SPOPL: variants seen among roughly 807,000 people sequenced by gnomAD.
SPOPL encodes the protein speckle type BTB/POZ protein like.
SPOPL carries 23 observed loss-of-function variants against 53.8 expected under a neutral mutation model. That is an observed-to-expected ratio of 0.43 (90% confidence interval 0.31 to 0.61). The LOEUF (loss-of-function observed/expected upper bound fraction) is 0.61. Among genes scored for constraint, SPOPL ranks in the 20% least tolerant of loss-of-function variants. The pLI, the probability that SPOPL is intolerant of heterozygous loss-of-function variation, is 0.12. For missense variants in SPOPL, 442 were observed against 466.9 expected (o/e 0.95, Z 0.49); for synonymous variants, 164 against 149.7 (o/e 1.10, Z -0.70).
chr2:138,507,271 T>C (rs1338716696), intron 1 of SPOPL, among the ~76,000 whole-genome samples: 1 of 152,196 alleles, frequency 6.6e-6, no homozygotes. Context: ...TTTAGTATCA[T>C]CTGGCTGTTC....
At chr2:138,562,005 A>G (rs1685560640) in intron 8 of SPOPL, among the ~76,000 whole-genome samples, 1 of 152,184 alleles carries the variant, frequency 6.6e-6, no homozygotes, top group African/African-American at 2.4e-5. Context: ...AAAAGAAAAA[A>G]AGAAAATTAC....
intron 7 of SPOPL, among the ~76,000 whole-genome samples, 156 bp downstream of exon 7, chr2:138,559,493 A>T (rs111872478): frequency 6.6e-6 from 1 of 152,332 alleles, no homozygotes; most frequent in African/African-American, 2.4e-5. Context: ...TAATAGAACA[A>T]TAGATGTAGC....
At chr2:138,561,962 A>G (rs563664485) in intron 8 of SPOPL, among the ~76,000 whole-genome samples, 45 of 152,220 alleles carry the variant, frequency 3.0e-4, no homozygotes, top group Admixed American at 9.2e-4. Flanking sequence ...ACAAACCTGC[A>G]CATGTATCTC....
At chr2:138,549,286 CT>C (rs1344676446) in intron 1 of SPOPL, among the ~76,000 whole-genome samples, 1 of 151,946 alleles carries the variant, frequency 6.6e-6, no homozygotes, top group Non-Finnish European at 1.5e-5. Flanking sequence ...ATATAATATC[CT>C]TTATCTCTCA....
rs1355907949 is a variant in SPOPL at position 138,559,702 on chromosome 2, T to C, written c.714+365T>C. On this transcript the variant is annotated intron_variant, in intron 7 of 10. Coordinates refer to ENST00000280098, the MANE Select transcript of SPOPL (RefSeq NM_001001664.3). ...GGATTGATTTTTGGAATCTGTTTTC[T>C]AGCAACAAAAATAACATAGATGACA... is the stretch of plus-strand genomic sequence containing the variant. Among the ~76,000 whole-genome samples the C allele has an allele frequency of 4.6e-5, 7 of 152,216 alleles. No homozygotes were observed. The East Asian group carries it at 1.3e-3, about 29-fold the overall frequency.
At chr2:138,517,768 A>C (rs1326993375) in intron 1 of SPOPL, among the ~76,000 whole-genome samples, 1 of 150,746 alleles carries the variant, frequency 6.6e-6, no homozygotes, top group Non-Finnish European at 1.5e-5. Context: ...GACCTAGGCC[A>C]GGGCACGGTG....
rs1358795784 is a variant in SPOPL, at chr2:138,573,074, G to T, written c.*3994G>T. 1.3e-5 allele frequency: 2 copies of T among 152,050 alleles called. No individual in the cohort carries two copies. Among genetic ancestry groups the T allele is most frequent in the Non-Finnish European group, 2.9e-5 (2 of 67,990 alleles). The allele number at this position is 152,050 out of a possible 1,614,324, so 9.4% of individuals were successfully genotyped here. On this transcript the variant is annotated 3_prime_UTR_variant, in exon 11 of 11. Coordinates refer to ENST00000280098, the MANE Select transcript of SPOPL (RefSeq NM_001001664.3). Reference sequence around the variant, plus strand: ...AGTTCTTGGGGAAATTGATTTTCAAGATTCAAGTGTATAAAAACTTATATT... The same window carrying T: ...AGTTCTTGGGGAAATTGATTTTCAATATTCAAGTGTATAAAAACTTATATT...
chr2:138,536,743 C>A (rs1684944467), intron 1 of SPOPL, among the ~76,000 whole-genome samples: 1 of 152,146 alleles, frequency 6.6e-6, no homozygotes, highest in Non-Finnish European at 1.5e-5. Context: ...ACAGCCTCTA[C>A]TGTTTTTCAG....
At position 138,543,088 on chromosome 2, in the gene SPOPL, T is replaced by A. The variant is rs181975813; in HGVS notation, c.-60-7069T>A. ...CCCCACTTTCTTCTGGCTTGTAGAG[T>A]TTCTGCCGAGAGATCAGCTGTTAGT... is the stretch of plus-strand genomic sequence containing the variant. On this transcript the variant is annotated intron_variant, in intron 1 of 10. Transcript: ENST00000280098. 1.3e-3 allele frequency among the ~76,000 whole-genome samples: 196 copies of A among 152,338 alleles called. 1 individual carries two copies. The highest frequency in any genetic ancestry group is 4.5e-3 in the African/African-American group (188 of 41,576).
intron 1 of SPOPL, among the ~76,000 whole-genome samples, chr2:138,541,075 G>C (rs1311002840): frequency 6.6e-6 from 1 of 152,116 alleles, no homozygotes; most frequent in Non-Finnish European, 1.5e-5. Flanking sequence ...AAGCAGCTTT[G>C]CAACCCAGGG....
rs547326704 is a variant in SPOPL at position 138,507,398 on chromosome 2, C to A, written c.-61+5279C>A. 2.0e-5 allele frequency among the ~76,000 whole-genome samples: 3 copies of A among 152,286 alleles called. No homozygotes were observed. The South Asian group carries it at 6.2e-4, about 32-fold the overall frequency. On this transcript the variant is annotated intron_variant, in intron 1 of 10. Coordinates refer to ENST00000280098, the MANE Select transcript of SPOPL (RefSeq NM_001001664.3). ...TAGGTATGGGATTAGAATTCAGAGACTAGGGACCATGAACGATTAAACAAA... is the reference window on the plus strand; with the variant it reads ...TAGGTATGGGATTAGAATTCAGAGAATAGGGACCATGAACGATTAAACAAA...
At chr2:138,546,107 G>A (rs1685189438) in intron 1 of SPOPL, among the ~76,000 whole-genome samples, 1 of 152,166 alleles carries the variant, frequency 6.6e-6, no homozygotes, top group African/African-American at 2.4e-5. Flanking sequence ...TATAAAATTA[G>A]ATAGTTGTGT....
At chr2:138,555,327 A>G (rs1280881406) in intron 5 of SPOPL, among the ~76,000 whole-genome samples, 1 of 152,182 alleles carries the variant, frequency 6.6e-6, no homozygotes, top group Non-Finnish European at 1.5e-5. Flanking sequence ...TTTGTGAAAT[A>G]CATTCAAATC....
At chr2:138,526,620 T>A (rs1326893827) in intron 1 of SPOPL, among the ~76,000 whole-genome samples, 2 of 151,992 alleles carry the variant, frequency 1.3e-5, no homozygotes, top group African/African-American at 2.4e-5. Context: ...AAATTTAGAG[T>A]TTAATTGGGT....
At chr2:138,516,768 A>G (rs989668331) in intron 1 of SPOPL, among the ~76,000 whole-genome samples, 1 of 152,244 alleles carries the variant, frequency 6.6e-6, no homozygotes, top group South Asian at 2.1e-4. Flanking sequence ...TGGTCTGGAA[A>G]CAACATCAGG....
At position 138,572,630 on chromosome 2, in the gene SPOPL, G is replaced by A. The variant is rs544539991; in HGVS notation, c.*3550G>A. On this transcript the variant is annotated 3_prime_UTR_variant, in exon 11 of 11. Transcript: ENST00000280098. The stretch of plus-strand genomic sequence containing the variant: ...TATTCAATTTATTCTTACAAAAGAA[G>A]GTGGGTGGGTGAGTGGGTTCGTTTT... 6.5e-6 allele frequency: 1 copy of A among 152,684 alleles called. No homozygotes were observed. Among genetic ancestry groups the A allele is most frequent in the East Asian group, 1.9e-4 (1 of 5,184 alleles). The allele number at this position is 152,684 out of a possible 1,614,324, so 9.5% of individuals were successfully genotyped here. A position where few individuals can be genotyped will look rare whatever the true frequency, so the allele number is the denominator to read the frequency against.
At chr2:138,527,805 A>G (rs1250247113) in intron 1 of SPOPL, among the ~76,000 whole-genome samples, 1 of 152,174 alleles carries the variant, frequency 6.6e-6, no homozygotes, top group Non-Finnish European at 1.5e-5. Flanking sequence ...TTTTCAGGGC[A>G]GTTGTGTAGA....
At chr2:138,526,046 A>C (rs1247051690) in intron 1 of SPOPL, among the ~76,000 whole-genome samples, 1 of 151,364 alleles carries the variant, frequency 6.6e-6, no homozygotes, top group Non-Finnish European at 1.5e-5. Flanking sequence ...TCCTTTCCTT[A>C]CTCCTTCAAT....
chr2:138,550,660 C>A, intron 3 of SPOPL, 56 bp downstream of exon 3: 2 of 1,554,902 alleles, frequency 1.3e-6, no homozygotes, highest in Non-Finnish European at 1.7e-6. Context: ...TGATCATCAG[C>A]TGCTCATGAT....
Sources: gnomAD v4.1 joint callset for allele counts (sites outside exome capture counted in the v4.1 genomes callset) on GRCh38, gnomAD v4.1.1 for gene constraint, MANE v1.5 for transcripts, NCBI Gene and HGNC (gene_info 2026-07-23, HGNC 2026-07-21) for gene names.